TTC28: variants seen among roughly 807,000 people sequenced by gnomAD.
The protein encoded by TTC28 is tetratricopeptide repeat domain 28.
A neutral mutation model predicts 198.0 loss-of-function variants in TTC28; 61 were observed. The ratio of observed to expected loss-of-function variants is 0.31; its 90% CI spans 0.25 to 0.38. TTC28 has a LOEUF of 0.38. Ranked by LOEUF, TTC28 falls within the 10% of genes least tolerant of loss-of-function variation. TTC28 has a pLI of 1.00. For missense variants in TTC28, 2,678 were observed against 3,164.0 expected (o/e 0.85, Z 3.69); for synonymous variants, 1,171 against 1,297.8 (o/e 0.90, Z 2.10).
intron 2 of TTC28, among the ~76,000 whole-genome samples, chr22:28,363,453 G>A (rs1288701763): frequency 4.6e-5 from 7 of 152,206 alleles, no homozygotes; most frequent in Non-Finnish European, 1.0e-4. Flanking sequence ...CCCTCATGGA[G>A]AACCTCTGCT....
intron 2 of TTC28, among the ~76,000 whole-genome samples, chr22:28,562,640 G>C (rs1357539403): frequency 1.3e-5 from 2 of 152,140 alleles, no homozygotes; most frequent in East Asian, 3.8e-4. Context: ...AAAAAGAAAT[G>C]TAGTTTGTCC....
intron 2 of TTC28, among the ~76,000 whole-genome samples, chr22:28,516,835 T>C (rs2048798519): frequency 1.3e-5 from 2 of 152,314 alleles, no homozygotes; most frequent in South Asian, 2.1e-4. Context: ...ATCAGCTTGA[T>C]TTAGCTACTT....
Position 27,990,022 on chromosome 22 carries a change from A to T in TTC28, c.5578-15T>A. ...ACCTGGTGGAGCTGAGGAAGGGGGG[A>T]CAGCGTGAGCACCCTGTGTCTCCTT... On this transcript the variant is annotated splice_polypyrimidine_tract_variant and intron_variant, in intron 20 of 22. Transcript: ENST00000397906. The T allele has an allele frequency of 4.5e-6, 7 of 1,548,040 alleles. No homozygotes were observed. The highest frequency in any genetic ancestry group is 6.1e-6 in the Non-Finnish European group (7 of 1,144,750).
At chr22:28,187,910 T>A (rs1300940348) in intron 5 of TTC28, among the ~76,000 whole-genome samples, 1 of 152,256 alleles carries the variant, frequency 6.6e-6, no homozygotes, top group East Asian at 1.9e-4. Flanking sequence ...AATGGCAGAA[T>A]CTAGATTTAC....
At chr22:28,230,438 T>C (rs1358014445) in intron 5 of TTC28, among the ~76,000 whole-genome samples, 1 of 152,212 alleles carries the variant, frequency 6.6e-6, no homozygotes, top group Admixed American at 6.5e-5. Flanking sequence ...CATTCATAGG[T>C]GACTACAACA....
At chr22:28,004,302 C>T (rs1392054430) in intron 14 of TTC28, among the ~76,000 whole-genome samples, 1 of 152,206 alleles carries the variant, frequency 6.6e-6, no homozygotes, top group East Asian at 1.9e-4. Context: ...TCAAGCTGAG[C>T]CCTGCAAAGC....
chr22:28,610,756 G>A (rs1395456003), intron 2 of TTC28, among the ~76,000 whole-genome samples: 2 of 151,972 alleles, frequency 1.3e-5, no homozygotes, highest in Admixed American at 6.6e-5. Context: ...TCAGAAGGTG[G>A]GTAATAACAA....
chr22:28,557,915 A>T (rs532063344), intron 2 of TTC28, among the ~76,000 whole-genome samples: 2 of 152,268 alleles, frequency 1.3e-5, no homozygotes, highest in South Asian at 4.2e-4. Flanking sequence ...TACCTACCTA[A>T]GGCTTCCCAC....
At chr22:28,125,414 C>A (rs926733904) in intron 6 of TTC28, among the ~76,000 whole-genome samples, 1 of 152,200 alleles carries the variant, frequency 6.6e-6, no homozygotes, top group Non-Finnish European at 1.5e-5. Flanking sequence ...ATGATGAACA[C>A]GGCTTCCTGC....
chr22:28,250,366 C>T (rs931608092), intron 5 of TTC28, among the ~76,000 whole-genome samples: 1 of 152,088 alleles, frequency 6.6e-6, no homozygotes, highest in Non-Finnish European at 1.5e-5. Context: ...AGATTTTTAG[C>T]CTTACTATTC....
At chr22:28,048,673 G>A (rs1283253066) in intron 12 of TTC28, among the ~76,000 whole-genome samples, 1 of 152,042 alleles carries the variant, frequency 6.6e-6, no homozygotes, top group Non-Finnish European at 1.5e-5. Flanking sequence ...GCAGAGTCTG[G>A]TGTGAATACT....
Position 28,263,062 on chromosome 22 carries a change from C to T in TTC28, c.933+33136G>A, listed in dbSNP as rs1931431959. ...AATTCTAGAATCAGACTTGAAAAGT[C>T]CAAAGTGGTTTTTAAGAAAGCCCTA... On this transcript the variant is annotated intron_variant, in intron 5 of 22. Coordinates refer to ENST00000397906, the MANE Select transcript of TTC28 (RefSeq NM_001145418.2). 1.3e-5 allele frequency among the ~76,000 whole-genome samples: 2 copies of T among 152,062 alleles called. 1 individual carries two copies. The highest frequency in any genetic ancestry group is 4.1e-4 in the South Asian group (2 of 4,822).
intron 5 of TTC28, among the ~76,000 whole-genome samples, chr22:28,195,822 G>A (rs1025609921): frequency 6.7e-6 from 1 of 148,742 alleles, no homozygotes; most frequent in African/African-American, 2.5e-5. Flanking sequence ...CCATGCTCCG[G>A]GATAGGAAGA....
intron 2 of TTC28, among the ~76,000 whole-genome samples, chr22:28,329,281 T>C (rs984671815): frequency 1.8e-4 from 27 of 152,144 alleles, no homozygotes; most frequent in African/African-American, 6.0e-4. Flanking sequence ...AAAATAAGCA[T>C]AGAAACCCAA....
At chr22:28,326,147 G>A (rs1034322419) in intron 2 of TTC28, among the ~76,000 whole-genome samples, 44 of 152,218 alleles carry the variant, frequency 2.9e-4, no homozygotes, top group Non-Finnish European at 5.4e-4. Context: ...ACACAAGTAA[G>A]CAACAAAAAG....
rs1937596407 is a variant in TTC28 at position 27,998,750 on chromosome 22, C to T, written c.4909G>A (p.Gly1637Arg). 1.9e-6 allele frequency: 3 copies of T among 1,550,648 alleles called. No homozygotes were observed. The change falls in exon 16 of 23, where the codon GGG (glycine) becomes AGG (arginine). Residue 1637 changes from glycine to arginine, a missense_variant. Around this residue, in one of 8 missense-constraint regions of TTC28, gnomAD observed 314 missense variants for 442.7 expected, o/e 0.71. Transcript: ENST00000397906. ...QESNSKVTAD[G>R]VIALTRAFLA... Reference sequence around the variant, plus strand: ...AAGGCCCTTGTCAGCGCGATGACCCCGTCGGCTGTGACTTTGCTGTTGGAC... The same window carrying T: ...AAGGCCCTTGTCAGCGCGATGACCCTGTCGGCTGTGACTTTGCTGTTGGAC...
chr22:28,622,776 CA>C (rs1222912323), intron 2 of TTC28, among the ~76,000 whole-genome samples: 2 of 151,624 alleles, frequency 1.3e-5, no homozygotes, highest in Non-Finnish European at 2.9e-5. Context: ...ATATATAATG[CA>C]AAGAGTAAGT....
At chr22:28,591,026 CACACACACACACACAT>C (rs1165039087) in intron 2 of TTC28, among the ~76,000 whole-genome samples, 4 of 76,296 alleles carry the variant, frequency 5.2e-5, no homozygotes, top group Admixed American at 3.4e-4. Context: ...CACACACACA[CACACACACACACACAT>C]ATATATATAT....
intron 5 of TTC28, among the ~76,000 whole-genome samples, chr22:28,291,735 A>T (rs952737236): frequency 1.7e-4 from 26 of 152,196 alleles, no homozygotes; most frequent in Admixed American, 6.5e-5. Context: ...GTATTTAAAG[A>T]TTTACCTACA....
Sources: gnomAD v4.1 joint callset for allele counts (sites outside exome capture counted in the v4.1 genomes callset) on GRCh38, gnomAD v4.1.1 for gene constraint, gnomAD v4.1.1 regional missense constraint, MANE v1.5 for transcripts, NCBI Gene and HGNC (gene_info 2026-07-23, HGNC 2026-07-21) for gene names.